The following STX18 variants were observed in gnomAD, a reference collection of about 807,000 sequenced individuals.
The protein encoded by STX18 is syntaxin-18.
Under a neutral mutation model 50.1 loss-of-function variants are expected in STX18, and 40 were observed. That is an observed-to-expected ratio of 0.80 (90% CI 0.62 to 1.04). The LOEUF is 1.04. Ranked by LOEUF, STX18 falls within the 50% of genes least tolerant of loss-of-function variation. The pLI is 0.00. For missense variants in STX18, 410 were observed against 415.8 expected, an observed-to-expected ratio of 0.99 and a Z score of 0.12; for synonymous variants, 158 against 151.8, an observed-to-expected ratio of 1.04 and a Z score of -0.30.
intron 1 of STX18, among the ~76,000 whole-genome samples, chr4:4,475,865 C>A (rs188927999): frequency 6.6e-6 from 1 of 152,290 alleles, no homozygotes; most frequent in African/African-American, 2.4e-5. Flanking sequence ...AAGTGATCCT[C>A]CCCCCTTGGC....
chr4:4,424,849 T>C (rs1725161292), intron 8 of STX18, among the ~76,000 whole-genome samples: 1 of 152,144 alleles, frequency 6.6e-6, no homozygotes, highest in Admixed American at 6.5e-5. Context: ...TCAGAGTCGC[T>C]GCGTGGAAAC....
chr4:4,529,705 T>C (rs1443262465), intron 1 of STX18, among the ~76,000 whole-genome samples: 6 of 152,210 alleles, frequency 3.9e-5, no homozygotes, highest in Non-Finnish European at 1.5e-5. Flanking sequence ...GGACGTCATC[T>C]TGGGAGATAG....
intron 1 of STX18, among the ~76,000 whole-genome samples, chr4:4,482,989 A>T (rs544988963): frequency 1.3e-5 from 2 of 152,366 alleles, no homozygotes; most frequent in South Asian, 4.1e-4. Context: ...TCCAGAATTC[A>T]GCATATGTCT....
At chr4:4,472,409 C>T (rs1347987407) in intron 1 of STX18, among the ~76,000 whole-genome samples, 1 of 152,178 alleles carries the variant, frequency 6.6e-6, no homozygotes, top group East Asian at 1.9e-4. Context: ...AACGTGTTTC[C>T]AGAGGGAGAA....
intron 1 of STX18, among the ~76,000 whole-genome samples, chr4:4,529,293 C>T (rs1295509167): frequency 3.9e-5 from 6 of 152,214 alleles, no homozygotes; most frequent in Non-Finnish European, 7.4e-5. Flanking sequence ...ACCAGGGAGG[C>T]GGAGCTTGCA....
At chr4:4,471,798 A>C (rs1257231357) in intron 1 of STX18, 92 bp from the exon 2 acceptor site, 1 of 952,882 alleles carries the variant, frequency 1.0e-6, no homozygotes, top group Non-Finnish European at 1.5e-6. Context: ...TGCAAATTGC[A>C]GAAAGATTCT....
intron 5 of STX18, among the ~76,000 whole-genome samples, chr4:4,444,833 A>G (rs1726305959): frequency 6.7e-6 from 1 of 149,972 alleles, no homozygotes; most frequent in African/African-American, 2.5e-5. Flanking sequence ...TAACAAACAA[A>G]TAAACAAACA....
intron 1 of STX18, among the ~76,000 whole-genome samples, chr4:4,512,413 G>A (rs955114808): frequency 2.0e-5 from 3 of 152,130 alleles, no homozygotes; most frequent in Non-Finnish European, 4.4e-5. Context: ...ATGACCTAGA[G>A]AGTAGAAGAT....
chr4:4,458,476 G>A (rs7690810), intron 3 of STX18, among the ~76,000 whole-genome samples: 53,014 of 152,032 alleles, frequency 0.35, 12,834 homozygotes, highest in African/African-American at 0.69. Context: ...CAAGTGGTCC[G>A]TCAGCATTCT....
intron 1 of STX18, among the ~76,000 whole-genome samples, chr4:4,473,744 G>C (rs897296594): frequency 2.6e-5 from 4 of 152,146 alleles, no homozygotes; most frequent in Non-Finnish European, 5.9e-5. Context: ...CTGCCTACCA[G>C]GGGTCAAACA....
intron 1 of STX18, among the ~76,000 whole-genome samples, chr4:4,536,798 GA>G (rs1161362324): frequency 6.6e-6 from 1 of 152,162 alleles, no homozygotes; most frequent in African/African-American, 2.4e-5. Context: ...TTCCACAAAA[GA>G]ATGTATTATC....
chr4:4,501,917 T>C (rs1729478587), intron 1 of STX18, among the ~76,000 whole-genome samples: 1 of 152,210 alleles, frequency 6.6e-6, no homozygotes, highest in South Asian at 2.1e-4. Context: ...CCAGATGCTA[T>C]ATTAAAGATA....
Position 4,509,446 on chromosome 4 carries a change from T to C in STX18, c.168+32351A>G, listed in dbSNP as rs554335460. Among the ~76,000 whole-genome samples, 8 of 152,258 alleles carry C rather than the reference T, an allele frequency of 5.3e-5. No individual in the cohort carries two copies. In the East Asian group the frequency reaches 1.5e-3, roughly 29 times the overall value. On this transcript the variant is annotated intron_variant, in intron 1 of 10. Transcript: ENST00000306200. ...AAATTTGTTTAAGTTCCTTGTGGAC[T>C]CTGGATATTAGACCCTTGCCAGGTG... is the stretch of plus-strand genomic sequence containing the variant.
intron 5 of STX18, among the ~76,000 whole-genome samples, chr4:4,442,592 G>C (rs1050111968): frequency 6.6e-6 from 1 of 152,104 alleles, no homozygotes; most frequent in Admixed American, 6.5e-5. Flanking sequence ...ACTCCAGCCT[G>C]GGCGAAAGAA....
chr4:4,531,855 A>G (rs903871715), intron 1 of STX18, among the ~76,000 whole-genome samples: 1 of 152,264 alleles, frequency 6.6e-6, no homozygotes, highest in African/African-American at 2.4e-5. Flanking sequence ...AGAAAAGATT[A>G]AACAAAAAAC....
chr4:4,502,888 AAC>A (rs977137478), intron 1 of STX18, among the ~76,000 whole-genome samples: 3 of 152,170 alleles, frequency 2.0e-5, no homozygotes, highest in African/African-American at 7.2e-5. Flanking sequence ...TACTTCAGAA[AAC>A]ACAGAGTTCT....
intron 7 of STX18, chr4:4,425,521 CT>C: frequency 1.9e-6 from 1 of 520,044 alleles, no homozygotes; most frequent in South Asian, 2.7e-5. Context: ...CCGCTCTCCC[CT>C]GGGATCCCAC....
chr4:4,511,504 G>C (rs1730002033), intron 1 of STX18, among the ~76,000 whole-genome samples: 1 of 152,184 alleles, frequency 6.6e-6, no homozygotes, highest in African/African-American at 2.4e-5. Flanking sequence ...AGCAATTTCT[G>C]AATAGCCTTT....
intron 5 of STX18, among the ~76,000 whole-genome samples, chr4:4,455,745 C>T (rs556562120): frequency 2.2e-4 from 33 of 152,344 alleles, no homozygotes; most frequent in African/African-American, 6.5e-4. Context: ...CCCTGGTAGA[C>T]AACACTTCAC....
Sources: allele counts gnomAD v4.1 joint callset (sites outside exome capture counted in the v4.1 genomes callset), GRCh38; gene constraint gnomAD v4.1.1; transcripts MANE v1.5; gene names NCBI Gene and HGNC (gene_info 2026-07-23, HGNC 2026-07-21).